The following RBFOX1 variants were observed in gnomAD, a reference collection of about 807,000 sequenced individuals.
The protein encoded by RBFOX1 is RNA binding protein fox-1 homolog 1.
A neutral mutation model predicts 57.7 loss-of-function variants in RBFOX1; 8 were observed. The ratio of observed to expected loss-of-function variants is 0.14; its 90% CI spans 0.08 to 0.25. RBFOX1 has a LOEUF of 0.25. RBFOX1 is among the 10% of genes least tolerant of loss of function. The pLI is 1.00. For missense variants in RBFOX1, 611 were observed against 548.5 expected, an observed-to-expected ratio of 1.11 and a Z score of -1.14; for synonymous variants, 326 against 222.4, an observed-to-expected ratio of 1.47 and a Z score of -4.15.
At chr16:7,076,542 C>A (rs1291624571) in intron 4 of RBFOX1, among the ~76,000 whole-genome samples, 1 of 152,140 alleles carries the variant, frequency 6.6e-6, no homozygotes, top group Non-Finnish European at 1.5e-5. Flanking sequence ...TCTCACTTGA[C>A]TCAAATGGAA....
intron 5 of RBFOX1, among the ~76,000 whole-genome samples, chr16:7,556,952 A>G (rs907628050): frequency 6.6e-6 from 1 of 152,198 alleles, no homozygotes; most frequent in Non-Finnish European, 1.5e-5. Context: ...ATTTCTCCCA[A>G]ATGCCTCTGT....
chr16:5,267,163 A>G (rs1245912020), intron 1 of RBFOX1, among the ~76,000 whole-genome samples: 1 of 152,208 alleles, frequency 6.6e-6, no homozygotes, highest in Non-Finnish European at 1.5e-5. Context: ...CAGCAAAGCA[A>G]GTGGAAGCCC....
chr16:6,763,041 C>T (rs932682745), intron 3 of RBFOX1, among the ~76,000 whole-genome samples: 35 of 151,824 alleles, frequency 2.3e-4, no homozygotes, highest in African/African-American at 7.5e-4. Context: ...TCATTCATGG[C>T]TGTTTATTAT....
intron 3 of RBFOX1, among the ~76,000 whole-genome samples, chr16:6,700,205 A>T (rs373635211): frequency 2.0e-5 from 3 of 152,256 alleles, no homozygotes; most frequent in East Asian, 3.9e-4. Flanking sequence ...CCCAGAGAGG[A>T]ACGTGAGAAG....
chr16:7,354,289 G>A (rs2097177101), intron 4 of RBFOX1, among the ~76,000 whole-genome samples: 1 of 152,182 alleles, frequency 6.6e-6, no homozygotes, highest in African/African-American at 2.4e-5. Flanking sequence ...ATATTTTAAA[G>A]TGTGAACTTT....
chr16:6,999,000 C>T (rs890975775), intron 3 of RBFOX1, among the ~76,000 whole-genome samples: 1 of 151,410 alleles, frequency 6.6e-6, no homozygotes, highest in African/African-American at 2.4e-5. Flanking sequence ...TCCTGAGTAG[C>T]TGGAATTACA....
chr16:6,142,323 G>A (rs187516102), intron 1 of RBFOX1, among the ~76,000 whole-genome samples: 4 of 146,068 alleles, frequency 2.7e-5, no homozygotes, highest in East Asian at 2.1e-4. Flanking sequence ...CTGAGTTCAC[G>A]CCATTCTCCT....
chr16:6,646,316 C>T (rs2098534522), intron 2 of RBFOX1, among the ~76,000 whole-genome samples: 1 of 152,080 alleles, frequency 6.6e-6, no homozygotes, highest in Non-Finnish European at 1.5e-5. Context: ...TGGGGCGCCT[C>T]CCGCATAGAT....
At chr16:6,861,435 T>C (rs1173180447) in intron 3 of RBFOX1, among the ~76,000 whole-genome samples, 3 of 152,070 alleles carry the variant, frequency 2.0e-5, no homozygotes, top group African/African-American at 7.2e-5. Context: ...AAACTGCTAA[T>C]TGCAAGGCCT....
intron 14 of RBFOX1, among the ~76,000 whole-genome samples, chr16:7,683,340 A>G (rs1442259979): frequency 6.6e-6 from 1 of 151,832 alleles, no homozygotes; most frequent in East Asian, 2.0e-4. Context: ...ACAGACAGAC[A>G]GACACACACA....
At chr16:7,270,956 G>T (rs2095305643) in intron 4 of RBFOX1, among the ~76,000 whole-genome samples, 2 of 152,086 alleles carry the variant, frequency 1.3e-5, no homozygotes, top group Admixed American at 1.3e-4. Flanking sequence ...GGTGGGGCTG[G>T]GTGCTGAGTC....
At chr16:5,429,606 C>T (rs987700269) in intron 1 of RBFOX1, among the ~76,000 whole-genome samples, 1 of 152,088 alleles carries the variant, frequency 6.6e-6, no homozygotes, top group Non-Finnish European at 1.5e-5. Context: ...GTGCTCGCAG[C>T]ATGTGGTTCA....
intron 4 of RBFOX1, among the ~76,000 whole-genome samples, chr16:7,345,677 T>A (rs915433640): frequency 6.6e-6 from 1 of 152,306 alleles, no homozygotes. Flanking sequence ...CTGCCGGTGA[T>A]GGAGCCGTCT....
intron 2 of RBFOX1, among the ~76,000 whole-genome samples, chr16:5,589,515 C>T (rs2046938627): frequency 6.6e-6 from 1 of 152,110 alleles, no homozygotes. Flanking sequence ...GTATCTTGTC[C>T]AAGGCCATAT....
chr16:5,733,918 C>T (rs373006343), intron 3 of RBFOX1, among the ~76,000 whole-genome samples: 1 of 152,044 alleles, frequency 6.6e-6, no homozygotes, highest in Admixed American at 6.5e-5. Flanking sequence ...TGCCCTACCC[C>T]ACCCTTCATT....
chr16:5,479,501 G>C (rs1236004221), intron 2 of RBFOX1, among the ~76,000 whole-genome samples: 2 of 152,192 alleles, frequency 1.3e-5, no homozygotes, highest in African/African-American at 2.4e-5. Context: ...GCTCATGCTT[G>C]TAATCCCAGC....
chr16:5,714,924 A>G (rs140677723), intron 3 of RBFOX1, among the ~76,000 whole-genome samples: 25 of 152,316 alleles, frequency 1.6e-4, no homozygotes, highest in South Asian at 6.2e-4. Context: ...CATAGAGTTG[A>G]TGCTGAAATA....
chr16:6,778,159 C>G lies in RBFOX1; in HGVS notation c.-16+123509C>G, dbSNP rs776227050. 3.3e-5 allele frequency among the ~76,000 whole-genome samples: 5 copies of G among 152,204 alleles called. No homozygotes were observed. In the East Asian group the frequency reaches 9.7e-4, roughly 29 times the overall value. The stretch of plus-strand genomic sequence containing the variant: ...TAAACAGTGATGGCTTCATGAGAAT[C>G]GAATTTCAAAGATCACACAATCGAT... On this transcript the variant is annotated intron_variant, in intron 3 of 15. Transcript: ENST00000550418.
intron 3 of RBFOX1, among the ~76,000 whole-genome samples, chr16:5,770,371 G>A (rs2053937165): frequency 6.6e-6 from 1 of 152,146 alleles, no homozygotes; most frequent in Non-Finnish European, 1.5e-5. Context: ...AGTGACATAA[G>A]TTTACAAATG....
Sources: allele counts gnomAD v4.1 joint callset (sites outside exome capture counted in the v4.1 genomes callset), GRCh38; gene constraint gnomAD v4.1.1; transcripts MANE v1.5; gene names NCBI Gene and HGNC (gene_info 2026-07-23, HGNC 2026-07-21).